Variants in KDM2B observed in about 807,000 individuals in gnomAD.
The protein encoded by KDM2B is lysine demethylase 2B.
KDM2B carries 26 observed loss-of-function variants against 150.0 expected under a neutral mutation model. The ratio of observed to expected loss-of-function variants is 0.17; its 90% CI spans 0.13 to 0.24. The LOEUF is 0.24. Among genes scored for constraint, KDM2B ranks in the 10% least tolerant of loss-of-function variants. The pLI is 1.00. For synonymous variants in KDM2B, 734 were observed against 729.5 expected (o/e 1.01, Z -0.10); for missense variants, 1,265 against 1,816.9 (o/e 0.70, Z 5.52).
intron 12 of KDM2B, among the ~76,000 whole-genome samples, chr12:121,460,683 C>T (rs1363538928): frequency 1.3e-5 from 2 of 152,196 alleles, no homozygotes; most frequent in South Asian, 2.1e-4. Flanking sequence ...GCTAGGATTA[C>T]AGGTGTGAGC....
At position 121,440,093 on chromosome 12, in the gene KDM2B, AG is replaced by A; in HGVS notation, c.3611-19del. ...CATCTGACCTGGTGGGGCAGGAAGG[AG>A]GGGGCAACCCGTCAATCTGACCGAG... On this transcript the variant is annotated intron_variant, in intron 21 of 22. Transcript: ENST00000377071. 6.3e-7 allele frequency: 1 copy of A among 1,575,790 alleles called. No individual in the cohort carries two copies. Among genetic ancestry groups the A allele is most frequent in the Non-Finnish European group, 8.6e-7 (1 of 1,160,278 alleles).
Position 121,509,827 on chromosome 12 carries a change from C to T in KDM2B, c.1387G>A (p.Ala463Thr). The T allele has an allele frequency of 6.2e-7, 1 of 1,614,094 alleles. No individual in the cohort carries two copies. The change falls in exon 11 of 23, where the codon GCA becomes ACA. Residue 463 changes from alanine (A) to threonine (T), a missense_variant. Physicochemically the swap from Ala to Thr is moderately conservative, Grantham distance 58. This residue lies in a region of KDM2B where 154 missense variants were observed against 162.5 expected (regional missense o/e 0.95). Transcript: ENST00000377071. ...CTTTTGAGGAATCGCAGGGCAGGTG[C>T]TTTGGGCTTCTTCCCGAGGGCCTCC... ...DQEALGKKPK[A>T]PALRFLKRTL... is the part of the protein sequence containing the mutation.
intron 8 of KDM2B, among the ~76,000 whole-genome samples, chr12:121,530,456 G>A (rs1412903833): frequency 1.3e-5 from 2 of 151,992 alleles, no homozygotes; most frequent in Non-Finnish European, 2.9e-5. Context: ...CTCTGTATCT[G>A]TTCCTAAGTT....
intron 12 of KDM2B, among the ~76,000 whole-genome samples, chr12:121,490,047 G>A (rs1883188331): frequency 6.6e-6 from 1 of 152,324 alleles, no homozygotes; most frequent in African/African-American, 2.4e-5. Flanking sequence ...AAGCACTCGG[G>A]GCCTCTCTCA....
At chr12:121,471,910 T>C (rs1044708106) in intron 12 of KDM2B, among the ~76,000 whole-genome samples, 27 of 152,040 alleles carry the variant, frequency 1.8e-4, no homozygotes, top group Admixed American at 4.6e-4. Flanking sequence ...TCACTTGAGG[T>C]CAGGAGTTCG....
At chr12:121,519,989 C>A (rs1555305591) in intron 9 of KDM2B, among the ~76,000 whole-genome samples, 1 of 152,062 alleles carries the variant, frequency 6.6e-6, no homozygotes, top group Non-Finnish European at 1.5e-5. Context: ...GCCTCCCGGG[C>A]TCAAACGACC....
intron 8 of KDM2B, among the ~76,000 whole-genome samples, chr12:121,527,539 A>C (rs554981373): frequency 6.7e-6 from 1 of 150,006 alleles, no homozygotes; most frequent in East Asian, 2.0e-4. Context: ...CTGTAGTCCC[A>C]GCTACTCAGG....
the KDM2B span, chr12:121,423,420 C>T: frequency 1.1e-5 from 18 of 1,611,528 alleles, no homozygotes; most frequent in East Asian, 6.7e-5. The surrounding 1 kb of genome is among the most constrained non-coding windows in gnomAD (Gnocchi z 4.3). Context: ...ATGAGGAAGA[C>T]GACAGCCTGT....
Position 121,430,452 on chromosome 12 carries a change from C to T in KDM2B, c.3847G>A (p.Asp1283Asn), listed in dbSNP as rs781993632. Reference protein sequence around the residue: ...INLSDCNKVTDQCLSFFKRCG... With the variant: ...INLSDCNKVTNQCLSFFKRCG... ...CGTTTGAAGAAGGACAGGCACTGAT[C>T]AGTGACCTTATTGCAGTCTGCAGAG... Residue 1283 changes from aspartate (D) to asparagine (N), a missense_variant, in exon 23 of 23, where the codon GAT becomes AAT. By Grantham distance (23) the Asp-to-Asn change is conservative. This residue lies in a region of KDM2B where 251 missense variants were observed against 397.8 expected (regional missense o/e 0.63). Coordinates refer to ENST00000377071, the MANE Select transcript of KDM2B (RefSeq NM_032590.5). The surrounding 1 kb of genome is among the most constrained non-coding windows in gnomAD (Gnocchi z 4.4). 2 of 1,613,818 alleles carry T rather than the reference C, an allele frequency of 1.2e-6. No homozygotes were observed. Among genetic ancestry groups the T allele is most frequent in the East Asian group, 2.2e-5 (1 of 44,872 alleles).
At chr12:121,497,044 A>G (rs1234648532) in intron 11 of KDM2B, among the ~76,000 whole-genome samples, 12 of 151,070 alleles carry the variant, frequency 7.9e-5, no homozygotes, top group Admixed American at 3.3e-4. Context: ...ATTTTTCAAG[A>G]TGTGGCTGTT....
At chr12:121,507,342 C>T (rs782029157) in intron 11 of KDM2B, among the ~76,000 whole-genome samples, 8 of 152,018 alleles carry the variant, frequency 5.3e-5, no homozygotes, top group East Asian at 1.9e-4. Flanking sequence ...TCAGCCTGGG[C>T]GACAGAGCAA....
intron 4 of KDM2B, among the ~76,000 whole-genome samples, chr12:121,569,050 G>A (rs1402889894): frequency 1.3e-5 from 2 of 152,182 alleles, no homozygotes; most frequent in Non-Finnish European, 2.9e-5. Flanking sequence ...GTAAGACACT[G>A]GAAGACAGAG....
chr12:121,581,017 C>G lies in KDM2B; in HGVS notation c.-106G>C. On this transcript the variant is annotated 5_prime_UTR_variant, in exon 1 of 23. Coordinates refer to ENST00000377071, the MANE Select transcript of KDM2B (RefSeq NM_032590.5). The stretch of plus-strand genomic sequence containing the variant: ...CGGCACTCAAAGATGTGGACACACA[C>G]ACGTACAGGAAATACAGCCAGACCA... The G allele has an allele frequency of 6.9e-7, 1 of 1,456,874 alleles. No individual in the cohort carries two copies. Among genetic ancestry groups the G allele is most frequent in the Admixed American group, 2.1e-5 (1 of 46,794 alleles). The allele number at this position is 1,456,874 out of a possible 1,614,324, so 90.2% of individuals were successfully genotyped here.
At chr12:121,437,554 G>A (rs1874215233) in intron 22 of KDM2B, among the ~76,000 whole-genome samples, 1 of 152,126 alleles carries the variant, frequency 6.6e-6, no homozygotes, top group Non-Finnish European at 1.5e-5. Context: ...GCAAGCACTA[G>A]GCTTGCTATT....
intron 9 of KDM2B, chr12:121,516,718 G>A (rs554103749): frequency 5.4e-5 from 34 of 631,282 alleles, no homozygotes; most frequent in Admixed American, 1.5e-4. Flanking sequence ...GCCCTTCCTC[G>A]GAGGTCCAAG....
intron 11 of KDM2B, among the ~76,000 whole-genome samples, chr12:121,508,904 A>C (rs1885327505): frequency 6.6e-6 from 1 of 152,180 alleles, no homozygotes; most frequent in South Asian, 2.1e-4. Flanking sequence ...CAGGACAGCG[A>C]GGCTTCCTGA....
At chr12:121,455,850 A>G (rs781906571) in intron 12 of KDM2B, among the ~76,000 whole-genome samples, 14 of 152,216 alleles carry the variant, frequency 9.2e-5, no homozygotes, top group Non-Finnish European at 1.5e-4. Context: ...CTGGCTGCCC[A>G]CGTGAGAAGT....
At chr12:121,482,750 G>A (rs1392676908) in intron 12 of KDM2B, among the ~76,000 whole-genome samples, 2 of 152,152 alleles carry the variant, frequency 1.3e-5, no homozygotes, top group Admixed American at 6.6e-5. Context: ...AATTGAATAC[G>A]GCCTCATCTT....
rs1306992121 is a variant in KDM2B, at chr12:121,429,178, G to A, written c.*1110C>T. 2.0e-5 allele frequency: 3 copies of A among 152,638 alleles called. No individual in the cohort carries two copies. Among genetic ancestry groups the A allele is most frequent in the Non-Finnish European group, 4.4e-5 (3 of 68,042 alleles). 9.5% of individuals were successfully genotyped at this position (152,638 alleles called of 1,614,324 possible). On this transcript the variant is annotated 3_prime_UTR_variant, in exon 23 of 23. Transcript: ENST00000377071. ...GAACAGAAACCCTCAAAGTTCAAGA[G>A]TGGTTTTTTTTGTACAATTGTTTAT...
Sources: allele counts gnomAD v4.1 joint callset (sites outside exome capture counted in the v4.1 genomes callset), GRCh38; gene constraint gnomAD v4.1.1; regional missense constraint gnomAD v4.1.1; non-coding constraint Gnocchi (gnomAD v3.1); transcripts MANE v1.5; gene names NCBI Gene and HGNC (gene_info 2026-07-23, HGNC 2026-07-21).